DYNC1I1: variants seen among roughly 807,000 people sequenced by gnomAD.
The protein encoded by DYNC1I1 is cytoplasmic dynein 1 intermediate chain 1.
DYNC1I1 carries 43 observed loss-of-function variants against 86.6 expected under a neutral mutation model. The observed-to-expected ratio is 0.50, with a 90% CI of 0.39 to 0.64. The LOEUF (loss-of-function observed/expected upper bound fraction) is 0.64. DYNC1I1 is among the 30% of genes least tolerant of loss of function. The pLI, the probability that DYNC1I1 is intolerant of heterozygous loss-of-function variation, is 0.00. For synonymous variants in DYNC1I1, 262 were observed against 283.7 expected (o/e 0.92, Z 0.77); for missense variants, 604 against 788.8 (o/e 0.77, Z 2.81).
intron 13 of DYNC1I1, among the ~76,000 whole-genome samples, chr7:96,038,295 T>G (rs1033705947): frequency 1.3e-5 from 2 of 152,200 alleles, no homozygotes; most frequent in African/African-American, 4.8e-5. Flanking sequence ...ATTCTACAAT[T>G]CCTACATATT....
intron 5 of DYNC1I1, among the ~76,000 whole-genome samples, chr7:95,868,556 C>CT (rs11390764): frequency 0.15 from 22,808 of 151,636 alleles, 1,730 homozygotes; most frequent in Admixed American, 0.2. Flanking sequence ...GGTAGTATAC[C>CT]TTTTTTTTCT....
chr7:96,002,955 T>G (rs1301955475), intron 10 of DYNC1I1, among the ~76,000 whole-genome samples: 1 of 152,104 alleles, frequency 6.6e-6, no homozygotes, highest in East Asian at 1.9e-4. Context: ...GCGATTCTCC[T>G]GCCTCAGCCT....
intron 14 of DYNC1I1, among the ~76,000 whole-genome samples, chr7:96,054,911 A>G (rs1212054870): frequency 6.6e-6 from 1 of 152,130 alleles, no homozygotes; most frequent in African/African-American, 2.4e-5. Flanking sequence ...CCCATTCTGT[A>G]GGCTGCCTGT....
intron 7 of DYNC1I1, among the ~76,000 whole-genome samples, chr7:95,982,810 T>C (rs1198436151): frequency 2.6e-5 from 4 of 152,276 alleles, no homozygotes; most frequent in African/African-American, 9.6e-5. Context: ...CAAAATGGAC[T>C]TAGTAGGGTT....
intron 5 of DYNC1I1, among the ~76,000 whole-genome samples, chr7:95,853,712 A>G (rs193289083): frequency 6.6e-6 from 1 of 152,190 alleles, no homozygotes; most frequent in Admixed American, 6.5e-5. Context: ...ATGTGTCTTT[A>G]TTGATTTTCT....
At chr7:95,980,439 G>A (rs753056797) in intron 7 of DYNC1I1, among the ~76,000 whole-genome samples, 6 of 148,666 alleles carry the variant, frequency 4.0e-5, no homozygotes, top group South Asian at 2.1e-4. Context: ...CGAACCTTGC[G>A]TTTCAAGGAT....
chr7:96,032,751 T>C lies in DYNC1I1; in HGVS notation c.1201T>C (p.Trp401Arg). Reference sequence around the variant, plus strand: ...CTCCACTGATGGCAAAATGTGTTCCTGGAGCCTGGACATGCTCTCAACTCC... The same window carrying C: ...CTCCACTGATGGCAAAATGTGTTCCCGGAGCCTGGACATGCTCTCAACTCC... ...TVSTDGKMCSWSLDMLSTPQE... is the reference protein window; with the variant it reads ...TVSTDGKMCSRSLDMLSTPQE... Residue 401 changes from tryptophan to arginine, a missense_variant, in exon 12 of 17, where the codon TGG (tryptophan) becomes CGG (arginine). Transcript: ENST00000447467. 6.2e-7 allele frequency: 1 copy of C among 1,613,692 alleles called. No homozygotes were observed. The highest frequency in any genetic ancestry group is 8.5e-7 in the Non-Finnish European group (1 of 1,179,694).
At chr7:95,830,388 C>T (rs993438144) in intron 5 of DYNC1I1, among the ~76,000 whole-genome samples, 7 of 152,080 alleles carry the variant, frequency 4.6e-5, no homozygotes, top group Non-Finnish European at 1.0e-4. Flanking sequence ...CTTCCCTATC[C>T]CCCAAACATC....
At chr7:95,947,846 T>C (rs11981959) in intron 6 of DYNC1I1, among the ~76,000 whole-genome samples, 6,606 of 152,288 alleles carry the variant, frequency 0.043, 375 homozygotes, top group African/African-American at 0.14. Context: ...ATCACGGTTA[T>C]GTGGCTGAGA....
intron 4 of DYNC1I1, among the ~76,000 whole-genome samples, chr7:95,820,807 G>A (rs113878505): frequency 2.5e-4 from 38 of 152,334 alleles, no homozygotes; most frequent in African/African-American, 7.9e-4. Context: ...TGAACTCCTG[G>A]TCTCAAGTGA....
intron 4 of DYNC1I1, among the ~76,000 whole-genome samples, chr7:95,827,807 AC>A (rs1334606700): frequency 4.6e-5 from 7 of 152,216 alleles, no homozygotes; most frequent in Admixed American, 2.6e-4. Context: ...GAGTTTGAAC[AC>A]TTGGTCTCAA....
chr7:96,055,970 T>C (rs995646580), intron 14 of DYNC1I1: 1 of 152,208 alleles, frequency 6.6e-6, no homozygotes, highest in African/African-American at 2.4e-5. Flanking sequence ...TTATAATCTG[T>C]CAGCTTCCTT....
At chr7:95,873,786 T>TAG (rs944529364) in intron 6 of DYNC1I1, among the ~76,000 whole-genome samples, 1 of 152,210 alleles carries the variant, frequency 6.6e-6, no homozygotes, top group African/African-American at 2.4e-5. Flanking sequence ...AGGCTTAGTG[T>TAG]AGAACATGGT....
chr7:95,967,743 G>A (rs568182908), intron 6 of DYNC1I1, among the ~76,000 whole-genome samples: 6 of 152,270 alleles, frequency 3.9e-5, no homozygotes, highest in African/African-American at 7.2e-5. Context: ...TCTCCAATAC[G>A]TAGAATATAC....
At chr7:95,873,451 C>T (rs1055672968) in intron 6 of DYNC1I1, among the ~76,000 whole-genome samples, 2 of 152,100 alleles carry the variant, frequency 1.3e-5, no homozygotes, top group Admixed American at 1.3e-4. Flanking sequence ...CCAGAATGAC[C>T]CACTAAGCAT....
intron 6 of DYNC1I1, among the ~76,000 whole-genome samples, chr7:95,875,211 G>A (rs1384186331): frequency 6.6e-6 from 1 of 152,104 alleles, no homozygotes; most frequent in Non-Finnish European, 1.5e-5. Flanking sequence ...AGAACAATGG[G>A]TGTTTGGATG....
chr7:95,865,492 C>T (rs1254089282), intron 5 of DYNC1I1, among the ~76,000 whole-genome samples: 3 of 152,076 alleles, frequency 2.0e-5, no homozygotes, highest in Admixed American at 6.6e-5. Context: ...AAACTAAGGC[C>T]CAGGGTATGG....
At chr7:95,998,726 C>T (rs544791297) in intron 10 of DYNC1I1, among the ~76,000 whole-genome samples, 5 of 152,226 alleles carry the variant, frequency 3.3e-5, no homozygotes, top group South Asian at 2.1e-4. Context: ...GGAGTAATTG[C>T]GTAGCTATTC....
Position 95,828,102 on chromosome 7 carries a change from A to G in DYNC1I1, c.360A>G (p.Ser120=), listed in dbSNP as rs1795242520. 1 of 1,613,840 alleles carries G rather than the reference A, an allele frequency of 6.2e-7. No homozygotes were observed. The highest frequency in any genetic ancestry group is 8.5e-7 in the Non-Finnish European group (1 of 1,179,768). The part of the protein sequence containing the change: ...DTDPSVLQLQ[S]DSELGRRLHK... ...ACCCCTCAGTGCTCCAGCTGCAGTC[A>G]GACTCAGAACTTGGGTATATGTCTG... Residue 120 remains serine, a synonymous_variant, in exon 5 of 17, where the codon TCA becomes TCG. Coordinates refer to ENST00000447467, the MANE Select transcript of DYNC1I1 (RefSeq NM_001135556.2).
Sources: allele counts gnomAD v4.1 joint callset (sites outside exome capture counted in the v4.1 genomes callset), GRCh38; gene constraint gnomAD v4.1.1; transcripts MANE v1.5; gene names NCBI Gene and HGNC (gene_info 2026-07-23, HGNC 2026-07-21).